Variants in DUOX1 observed in about 807,000 individuals in gnomAD.
The protein encoded by DUOX1 is NADPH thyroid oxidase 1.
Under a neutral mutation model 181.8 loss-of-function variants are expected in DUOX1, and 134 were observed. The ratio of observed to expected loss-of-function variants is 0.74; its 90% CI spans 0.64 to 0.85. The LOEUF (loss-of-function observed/expected upper bound fraction) is 0.85. DUOX1 is among the 40% of genes least tolerant of loss of function. The pLI is 0.00. For missense variants in DUOX1, 1,814 were observed against 2,064.4 expected (o/e 0.88, Z 2.35); for synonymous variants, 798 against 832.5 (o/e 0.96, Z 0.71).
chr15:45,164,566 A>G (rs1648313), intron 33 of DUOX1, among the ~76,000 whole-genome samples: 87,610 of 151,580 alleles, frequency 0.58, 27,210 homozygotes, highest in East Asian at 0.94. Context: ...ACTCCTGGGC[A>G]CAAGCAATCC....
rs143918655 is a variant in DUOX1 at position 45,135,086 on chromosome 15, C to G, written c.308-18C>G. 4.7e-4 allele frequency: 752 copies of G among 1,612,984 alleles called. 5 individuals are homozygous for G. In the African/African-American group the frequency reaches 8.5e-3, roughly 18 times the overall value. On this transcript the variant is annotated intron_variant, in intron 4 of 33. Coordinates refer to ENST00000389037, the MANE Select transcript of DUOX1 (RefSeq NM_175940.3). ...GGCCCTCTGCTTGCCCTAGCACCCC[C>G]TCCTGCACTGCCCGCAGGCTATCAC...
chr15:45,138,080 G>GTGTGTT (rs1229581753), intron 10 of DUOX1, 66 bp downstream of exon 10: 1 of 786,476 alleles, frequency 1.3e-6, no homozygotes. Context: ...GTGTGTGTAT[G>GTGTGTT]TGTGTGTGTG....
chr15:45,161,415 C>CAAAAA (rs35506541), intron 29 of DUOX1, among the ~76,000 whole-genome samples: 1,468 of 48,232 alleles, frequency 0.03, 146 homozygotes, highest in African/African-American at 0.1. Flanking sequence ...GAGACTGTGT[C>CAAAAA]AAAAAAAAAA....
chr15:45,141,894 T>C, intron 14 of DUOX1, 81 bp from the exon 15 acceptor site: 1 of 1,502,264 alleles, frequency 6.7e-7, no homozygotes, highest in Non-Finnish European at 8.9e-7. Flanking sequence ...ACCCCCTTTC[T>C]GCCACCCTAA....
chr15:45,160,731 G>T, intron 28 of DUOX1, 106 bp from the exon 29 acceptor site: 1 of 1,420,068 alleles, frequency 7.0e-7, no homozygotes. Flanking sequence ...GTGAGGTGGG[G>T]GCTGGATATA....
intron 10 of DUOX1, 62 bp from the exon 11 acceptor site, chr15:45,139,004 G>A (rs1022661908): frequency 7.6e-6 from 11 of 1,455,646 alleles, no homozygotes; most frequent in Middle Eastern, 3.6e-4. Context: ...GGAGGGAGCC[G>A]GCTGTCTAAC....
intron 24 of DUOX1, 26 bp from the exon 25 acceptor site, chr15:45,152,260 C>T (rs758507750): frequency 6.2e-7 from 1 of 1,601,988 alleles, no homozygotes; most frequent in East Asian, 2.2e-5. Flanking sequence ...CTGACCCTCG[C>T]TTGCCTGCCT....
Position 45,134,190 on chromosome 15 carries a change from T to C in DUOX1, c.188T>C (p.Val63Ala). 4 of 1,555,820 alleles carry C rather than the reference T, an allele frequency of 2.6e-6. No homozygotes were observed. Among genetic ancestry groups the C allele is most frequent in the Non-Finnish European group, 3.5e-6 (4 of 1,155,796 alleles). Reference sequence around the variant, plus strand: ...GTCCCAGCCAGCTATGCAGATGGCGTGTACCAGCCCTTGGGAGAACCCCAC... The same window carrying C: ...GTCCCAGCCAGCTATGCAGATGGCGCGTACCAGCCCTTGGGAGAACCCCAC... ...RLVPASYADG[V>A]YQPLGEPHLP... The change falls in exon 4 of 34, where the codon GTG (valine) becomes GCG (alanine). Residue 63 changes from valine (V) to alanine (A), a missense_variant. By Grantham distance (64) the Val-to-Ala change is moderately conservative. Coordinates refer to ENST00000389037, the MANE Select transcript of DUOX1 (RefSeq NM_175940.3).
chr15:45,139,433 G>C lies in DUOX1; in HGVS notation c.1223G>C (p.Trp408Ser). The C allele has an allele frequency of 6.2e-7, 1 of 1,612,668 alleles. No homozygotes were observed. Among genetic ancestry groups the C allele is most frequent in the Non-Finnish European group, 8.5e-7 (1 of 1,179,620 alleles). The change falls in exon 12 of 34, where the codon TGG becomes TCG. Residue 408 changes from tryptophan to serine, a missense_variant. Physicochemically the swap from Trp to Ser is radical, Grantham distance 177. Around this residue, in one of 5 missense-constraint regions of DUOX1, gnomAD observed 1,064 missense variants for 1,152.9 expected, o/e 0.92. Transcript: ENST00000389037. The stretch of plus-strand genomic sequence containing the variant: ...TCTGGTATCTTGTCTCCAGATTTCT[G>C]GCCTGGGCCACTGAAGTTTTCCCGC... ...HVLVEDVRDF[W>S]PGPLKFSRTD...
intron 16 of DUOX1, 144 bp from the exon 17 acceptor site, chr15:45,143,892 A>G (rs1466989337): frequency 2.8e-6 from 2 of 724,688 alleles, no homozygotes; most frequent in Non-Finnish European, 4.6e-6. Context: ...CCAGGCTTTC[A>G]GGGAGGGAAT....
At position 45,140,973 on chromosome 15, in the gene DUOX1, C is replaced by T. The variant is rs1896474013; in HGVS notation, c.1468C>T (p.His490Tyr). 2 of 1,614,062 alleles carry T rather than the reference C, an allele frequency of 1.2e-6. No individual in the cohort carries two copies. Residue 490 changes from histidine (H) to tyrosine (Y), a missense_variant, in exon 13 of 34, where the codon CAC becomes TAC. His to Tyr is a moderately conservative substitution (Grantham distance 83, BLOSUM62 2). This residue lies in a region of DUOX1 where 1,064 missense variants were observed against 1,152.9 expected (regional missense o/e 0.92). Coordinates refer to ENST00000389037, the MANE Select transcript of DUOX1 (RefSeq NM_175940.3). ...GCTCCCTGGGGGACTCCTGGAGAGC[C>T]ACCGGGACCCTGGACCTCTGTTCAG... ...ELLPGGLLESHRDPGPLFSTI... is the reference protein window; with the variant it reads ...ELLPGGLLESYRDPGPLFSTI...
intron 14 of DUOX1, 100 bp downstream of exon 14, chr15:45,141,510 C>A (rs1007855254): frequency 3.7e-5 from 48 of 1,304,280 alleles, no homozygotes; most frequent in Non-Finnish European, 4.2e-5. Context: ...AATCTCTGTG[C>A]TCCAAGAGGG....
intron 23 of DUOX1, among the ~76,000 whole-genome samples, chr15:45,151,460 A>G (rs1321009529): frequency 6.6e-6 from 1 of 152,176 alleles, no homozygotes; most frequent in Admixed American, 6.5e-5. Flanking sequence ...GGTAAGAGCG[A>G]AGGGCTTTGG....
intron 16 of DUOX1, 39 bp downstream of exon 16, chr15:45,143,342 A>G (rs746002503): frequency 1.3e-6 from 2 of 1,546,560 alleles, no homozygotes; most frequent in Non-Finnish European, 1.8e-6. Flanking sequence ...TAGGGAGGAC[A>G]TGGCTCAGCG....
chr15:45,161,322 G>A (rs1311513245), intron 29 of DUOX1, among the ~76,000 whole-genome samples: 9 of 150,126 alleles, frequency 6.0e-5, no homozygotes, highest in African/African-American at 2.2e-4. Context: ...AGGAGGCTGA[G>A]GCAGGAGAAT....
chr15:45,135,544 T>C lies in DUOX1; in HGVS notation c.566T>C (p.Leu189Pro). 1 of 1,558,744 alleles carries C rather than the reference T, an allele frequency of 6.4e-7. No homozygotes were observed. The highest frequency in any genetic ancestry group is 8.7e-7 in the Non-Finnish European group (1 of 1,152,656). The change falls in exon 6 of 34, where the codon CTG becomes CCG. Residue 189 changes from leucine (L) to proline (P), a missense_variant. Physicochemically the swap from Leu to Pro is moderately conservative, Grantham distance 98. Around this residue, in one of 5 missense-constraint regions of DUOX1, gnomAD observed 320 missense variants for 313.1 expected, o/e 1.02. Coordinates refer to ENST00000389037, the MANE Select transcript of DUOX1 (RefSeq NM_175940.3). ...TCCTCGCATTCCTGGAGCGACGCGCTGCGGAGCTTCTCCAGGGGACAGCTG... is the reference window on the plus strand; with the variant it reads ...TCCTCGCATTCCTGGAGCGACGCGCCGCGGAGCTTCTCCAGGGGACAGCTG... ...YGSSHSWSDA[L>P]RSFSRGQLAS... is the part of the protein sequence containing the mutation.
At chr15:45,136,465 G>C in intron 8 of DUOX1, 55 bp downstream of exon 8, 16 of 1,614,036 alleles carry the variant, frequency 9.9e-6, no homozygotes, top group Non-Finnish European at 1.4e-5. Flanking sequence ...GCGGGGTGGG[G>C]TGGGGACTAC....
chr15:45,152,452 C>T lies in DUOX1; in HGVS notation c.3360C>T (p.Tyr1120=), dbSNP rs750310123. Residue 1120 remains tyrosine, a synonymous_variant, in exon 25 of 34, where the codon TAC becomes TAT. Coordinates refer to ENST00000389037, the MANE Select transcript of DUOX1 (RefSeq NM_175940.3). ...TGCGAGAAACCTTCCTCAACCGCTACGTGCCCTTCGACGCCGCCGTGGACT... is the reference window on the plus strand; with the variant it reads ...TGCGAGAAACCTTCCTCAACCGCTATGTGCCCTTCGACGCCGCCGTGGACT... ...TFLRETFLNR[Y]VPFDAAVDFH... 12 of 1,614,216 alleles carry T rather than the reference C, an allele frequency of 7.4e-6. No homozygotes were observed. Among genetic ancestry groups the T allele is most frequent in the South Asian group, 5.5e-5 (5 of 91,088 alleles).
Position 45,144,036 on chromosome 15 carries a change from C to A in DUOX1, c.1937C>A (p.Ala646Asp). The A allele has an allele frequency of 6.2e-7, 1 of 1,613,826 alleles. No homozygotes were observed. The highest frequency in any genetic ancestry group is 8.5e-7 in the Non-Finnish European group (1 of 1,179,994). Residue 646 changes from alanine (A) to aspartate (D), a missense_variant and splice_region_variant, in exon 17 of 34, where the codon GCT becomes GAT. Physicochemically the swap from Ala to Asp is moderately radical, Grantham distance 126 (BLOSUM62 -2). Transcript: ENST00000389037. ...CGAAGCCCTGTCTCTCTCCCCCTAG[C>A]TTTGGAATGGCAAGGCCACAAGGAG... ...VSEKLVGGME[A>D]LEWQGHKEPC...
Sources: gnomAD v4.1 joint callset for allele counts (sites outside exome capture counted in the v4.1 genomes callset) on GRCh38, gnomAD v4.1.1 for gene constraint, gnomAD v4.1.1 regional missense constraint, MANE v1.5 for transcripts, NCBI Gene and HGNC (gene_info 2026-07-23, HGNC 2026-07-21) for gene names.